PNPLA6: variants seen among roughly 807,000 people sequenced by gnomAD.
PNPLA6 encodes the protein patatin like domain 6, lysophospholipase.
In PNPLA6, 105 loss-of-function variants were observed where a neutral mutation model predicts 153.7. The observed-to-expected ratio is 0.68, with a 90% CI of 0.58 to 0.80. PNPLA6 has a LOEUF of 0.80. PNPLA6 is among the 30% of genes least tolerant of loss of function. The pLI is 0.00. For missense variants in PNPLA6, 1,423 were observed against 1,919.3 expected (o/e 0.74, Z 4.83); for synonymous variants, 825 against 822.2 (o/e 1.00, Z -0.06).
chr19:7,542,984 T>G, intron 12 of PNPLA6, 23 bp from the exon 13 acceptor site: 1 of 1,613,758 alleles, frequency 6.2e-7, no homozygotes, highest in South Asian at 1.1e-5. Context: ...GCTGCGCCCA[T>G]CTCAACCCCC....
rs199755866 is a variant in PNPLA6 at position 7,557,798 on chromosome 19, AG to A, written c.3397+515del. Among the ~76,000 whole-genome samples, 70 of 149,154 alleles carry A rather than the reference AG, an allele frequency of 4.7e-4. 3 individuals carry two copies. The highest frequency in any genetic ancestry group is 1.1e-3 in the Admixed American group (16 of 14,994). Reference sequence around the variant, plus strand: ...GACTCAGTCTCAAAAAAAAAAAAAAAGAAAGAAAGAAATCTACATCTACCTG... The same window carrying A: ...GACTCAGTCTCAAAAAAAAAAAAAAAAAAGAAAGAAATCTACATCTACCTG... On this transcript the variant is annotated intron_variant, in intron 27 of 31. Coordinates refer to ENST00000600737, the MANE Select transcript of PNPLA6 (RefSeq NM_001166114.2).
rs2023788038 is a variant in PNPLA6, at chr19:7,554,572, T to C, written c.2483T>C (p.Leu828Pro). ...SALDSIQEFRLSGWLAQQEDA... is the reference protein window; with the variant it reads ...SALDSIQEFRPSGWLAQQEDA... ...CACCCTAGCATCCAAGAGTTCCGGC[T>C]GTCAGGGTGGCTGGCCCAGCAGGAG... Residue 828 changes from leucine (L) to proline (P), a missense_variant, in exon 21 of 32, where the codon CTG becomes CCG. Coordinates refer to ENST00000600737, the MANE Select transcript of PNPLA6 (RefSeq NM_001166114.2). 6.2e-7 allele frequency: 1 copy of C among 1,613,974 alleles called. No homozygotes were observed. Among genetic ancestry groups the C allele is most frequent in the Admixed American group, 1.7e-5 (1 of 59,998 alleles).
intron 13 of PNPLA6, among the ~76,000 whole-genome samples, chr19:7,545,246 C>T (rs564835913): frequency 6.6e-6 from 1 of 152,182 alleles, no homozygotes; most frequent in South Asian, 2.1e-4. Context: ...AGGCTGGTCT[C>T]AAACTCCTGG....
intron 13 of PNPLA6, among the ~76,000 whole-genome samples, chr19:7,543,973 C>T (rs2023274630): frequency 6.6e-6 from 1 of 151,278 alleles, no homozygotes; most frequent in Non-Finnish European, 1.5e-5. Context: ...GCCACCATGC[C>T]CGGCTAATTT....
chr19:7,536,396 C>T (rs4563140), intron 2 of PNPLA6, 53 bp from the exon 3 acceptor site: 1 of 1,458,220 alleles, frequency 6.9e-7, no homozygotes, highest in Non-Finnish European at 9.6e-7. Context: ...CCGTCTGCCT[C>T]TTCTCCAAGG....
At chr19:7,559,213 A>T (rs922643150) in intron 28 of PNPLA6, 62 bp downstream of exon 28, 1 of 1,432,166 alleles carries the variant, frequency 7.0e-7, no homozygotes, top group African/African-American at 1.4e-5. Context: ...TGCTACTTAA[A>T]GCCCAGAGTG....
Position 7,542,669 on chromosome 19 carries a change from G to C in PNPLA6, c.1361G>C (p.Arg454Pro). 6.2e-7 allele frequency: 1 copy of C among 1,612,930 alleles called. No individual in the cohort carries two copies. The highest frequency in any genetic ancestry group is 2.2e-5 in the East Asian group (1 of 44,872). Reference sequence around the variant, plus strand: ...GGGGGGTCCCTGGCAGCCCCCGCTCGGGTAAGGCTTGGGACCCTGCCCGGT... The same window carrying C: ...GGGGGGTCCCTGGCAGCCCCCGCTCCGGTAAGGCTTGGGACCCTGCCCGGT... Reference protein sequence around the residue: ...ASGGSLAAPARTPTQEPREQP... With the variant: ...ASGGSLAAPAPTPTQEPREQP... The change falls in exon 11 of 32, where the codon CGG becomes CCG. Residue 454 changes from arginine to proline, a missense_variant and splice_region_variant. Physicochemically the swap from Arg to Pro is moderately radical, Grantham distance 103 (BLOSUM62 -2). Around this residue, in one of 10 missense-constraint regions of PNPLA6, gnomAD observed 267 missense variants for 255.1 expected, o/e 1.05. Transcript: ENST00000600737.
intron 18 of PNPLA6, among the ~76,000 whole-genome samples, chr19:7,553,586 G>C (rs955878095): frequency 6.6e-6 from 1 of 152,246 alleles, no homozygotes; most frequent in Admixed American, 6.5e-5. Flanking sequence ...GAATCTGAAT[G>C]GTTGTAGAGT....
intron 10 of PNPLA6, 148 bp from the exon 11 acceptor site, chr19:7,542,413 C>T: frequency 2.8e-6 from 2 of 704,612 alleles, no homozygotes; most frequent in Non-Finnish European, 5.1e-6. Context: ...TAGCTCACTG[C>T]AGCCTCGAAC....
In PNPLA6 at chr19:7,555,581, G is replaced by T; in HGVS notation, c.2937-26G>T. On this transcript the variant is annotated intron_variant, in intron 23 of 31. Coordinates refer to ENST00000600737, the MANE Select transcript of PNPLA6 (RefSeq NM_001166114.2). The surrounding 1 kb of genome is among the most constrained non-coding windows in gnomAD (Gnocchi z 6.3). ...AGTTCCTGCAGGTGGGGCCTAGCGG[G>T]TCACTGGGGCCCATTTTCCCGGCAG... 5 of 1,609,816 alleles carry T rather than the reference G, an allele frequency of 3.1e-6. No homozygotes were observed. Among genetic ancestry groups the T allele is most frequent in the Non-Finnish European group, 4.2e-6 (5 of 1,178,530 alleles).
In PNPLA6 at chr19:7,555,239, C is replaced by T; in HGVS notation, c.2818-10C>T. ...ATGCTCCTGGGTCGCGACTATCTCC[C>T]CCATCCCAGCATGAGCTCTACGAGA... On this transcript the variant is annotated splice_polypyrimidine_tract_variant and intron_variant, in intron 22 of 31. Transcript: ENST00000600737. The surrounding 1 kb of genome is among the most constrained non-coding windows in gnomAD (Gnocchi z 6.3). 2 of 1,589,766 alleles carry T rather than the reference C, an allele frequency of 1.3e-6. No homozygotes were observed. Among genetic ancestry groups the T allele is most frequent in the Middle Eastern group, 3.3e-4 (2 of 6,030 alleles).
At position 7,541,190 on chromosome 19, in the gene PNPLA6, G is replaced by T; in HGVS notation, c.924+139G>T. On this transcript the variant is annotated intron_variant, in intron 7 of 31. Coordinates refer to ENST00000600737, the MANE Select transcript of PNPLA6 (RefSeq NM_001166114.2). The surrounding 1 kb of genome is among the most constrained non-coding windows in gnomAD (Gnocchi z 5.2). ...ATCGGCCTGGAGCAGCCAGATGTCT[G>T]CAGCCGCGGACTCCTCCCTTAGCTG... 8.5e-7 allele frequency: 1 copy of T among 1,172,950 alleles called. No individual in the cohort carries two copies. The highest frequency in any genetic ancestry group is 1.2e-6 in the Non-Finnish European group (1 of 808,988). 72.7% of individuals were successfully genotyped at this position (1,172,950 alleles called of 1,614,324 possible).
Position 7,556,664 on chromosome 19 carries a change from C to T in PNPLA6, c.3220C>T (p.Leu1074=), listed in dbSNP as rs1188314161. 9 of 1,613,278 alleles carry T rather than the reference C, an allele frequency of 5.6e-6. No individual in the cohort carries two copies. The highest frequency in any genetic ancestry group is 6.8e-6 in the Non-Finnish European group (8 of 1,179,448). ...FQDKQIEDLW[L]PYFNVTTDIT... The stretch of plus-strand genomic sequence containing the variant: ...ATCCCTGTCCCCGCAGGACCTGTGG[C>T]TGCCTTACTTCAACGTGACCACAGA... The change falls in exon 26 of 32, where the codon CTG becomes TTG. Residue 1074 remains leucine (L), a synonymous_variant. Coordinates refer to ENST00000600737, the MANE Select transcript of PNPLA6 (RefSeq NM_001166114.2).
chr19:7,550,420 C>T lies in PNPLA6; in HGVS notation c.1937C>T (p.Ala646Val). ...IDWTAVEAGR[A>V]LYRQGDRSDC... is the part of the protein sequence containing the mutation. The stretch of plus-strand genomic sequence containing the variant: ...TGGACTGCAGTGGAGGCGGGACGCG[C>T]GCTGTACAGGTGCAGCTCCCACCGC... Residue 646 changes from alanine (A) to valine (V), a missense_variant, in exon 15 of 32, where the codon GCG (alanine) becomes GTG (valine). By Grantham distance (64) the Ala-to-Val change is moderately conservative (BLOSUM62 0). This residue lies in a region of PNPLA6 where 63 missense variants were observed against 166.2 expected (regional missense o/e 0.38). Transcript: ENST00000600737. 1 of 1,611,310 alleles carries T rather than the reference C, an allele frequency of 6.2e-7. No homozygotes were observed.
chr19:7,536,526 G>T lies in PNPLA6; in HGVS notation c.393G>T (p.Lys131Asn). 1 of 1,613,202 alleles carries T rather than the reference G, an allele frequency of 6.2e-7. No homozygotes were observed. The highest frequency in any genetic ancestry group is 8.5e-7 in the Non-Finnish European group (1 of 1,179,090). The part of the protein sequence containing the change: ...TSRPRMRKKL[K>N]MLNIAKKILR... ...GGCCACGCATGAGGAAGAAACTGAA[G>T]ATGCTCAACATTGCCAAGAAGTAAG... Residue 131 changes from lysine (K) to asparagine (N), a missense_variant, in exon 3 of 32, where the codon AAG becomes AAT. Lys to Asn is a moderately conservative substitution (Grantham distance 94, BLOSUM62 0). This residue lies in a region of PNPLA6 where 74 missense variants were observed against 171.3 expected (regional missense o/e 0.43). Transcript: ENST00000600737.
intron 27 of PNPLA6, 39 bp downstream of exon 27, chr19:7,557,323 T>A: frequency 8.0e-7 from 1 of 1,249,282 alleles, no homozygotes; most frequent in Non-Finnish European, 1.2e-6. Context: ...CGCAAGCACC[T>A]CCCGCACCAC....
chr19:7,554,814 G>A lies in PNPLA6; in HGVS notation c.2635-79G>A, dbSNP rs524530. 0.78 allele frequency: 1,236,948 copies of A among 1,578,066 alleles called. 486,454 individuals are homozygous for A. Among genetic ancestry groups the A allele is most frequent in the Admixed American group, 0.87 (50,543 of 57,938 alleles). ...ACCAGGCCACGTGCACCCTCGCCATGGGGGTAGGCGATCAGGGACCCAGGT... is the reference window on the plus strand; with the variant it reads ...ACCAGGCCACGTGCACCCTCGCCATAGGGGTAGGCGATCAGGGACCCAGGT... On this transcript the variant is annotated intron_variant, in intron 21 of 31. Transcript: ENST00000600737.
intron 28 of PNPLA6, 146 bp from the exon 29 acceptor site, chr19:7,560,502 A>G (rs1280604720): frequency 7.1e-6 from 5 of 707,398 alleles, no homozygotes; most frequent in African/African-American, 1.7e-5. Context: ...CGAGTGTGCT[A>G]TGTGCAGCTG....
chr19:7,560,985 C>A, intron 29 of PNPLA6, 29 bp from the exon 30 acceptor site: 1 of 1,518,654 alleles, frequency 6.6e-7, no homozygotes, highest in Non-Finnish European at 9.0e-7. Context: ...TGGGCCCCCC[C>A]TAAGAGCCTC....
Sources: gnomAD v4.1 joint callset for allele counts (sites outside exome capture counted in the v4.1 genomes callset) on GRCh38, gnomAD v4.1.1 for gene constraint, gnomAD v4.1.1 regional missense constraint, Gnocchi (gnomAD v3.1) non-coding constraint, MANE v1.5 for transcripts, NCBI Gene and HGNC (gene_info 2026-07-23, HGNC 2026-07-21) for gene names.